The following DOK4 variants were observed in gnomAD, a reference collection of about 807,000 sequenced individuals.
The protein encoded by DOK4 is downstream of tyrosine kinase 4.
Under a neutral mutation model 40.1 loss-of-function variants are expected in DOK4, and 26 were observed. The observed-to-expected ratio is 0.65, with a 90% CI of 0.48 to 0.90. The LOEUF (loss-of-function observed/expected upper bound fraction) is 0.90, where lower values mean the gene tolerates loss of function less well. Among genes scored for constraint, DOK4 ranks in the 40% least tolerant of loss-of-function variants. DOK4 has a pLI of 0.00. For missense variants in DOK4, 392 were observed against 437.2 expected (o/e 0.90, Z 0.92); for synonymous variants, 179 against 177.0 (o/e 1.01, Z -0.09).
chr16:57,484,728 C>T (rs1165144521), intron 1 of DOK4, among the ~76,000 whole-genome samples: 2 of 152,212 alleles, frequency 1.3e-5, no homozygotes, highest in Non-Finnish European at 2.9e-5. Context: ...CATTCCATTG[C>T]TTCATCCACC....
chr16:57,473,185 C>T, exon 9 of DOK4: 1 of 758,576 alleles, frequency 1.3e-6, no homozygotes, highest in South Asian at 1.9e-5. Flanking sequence ...GCTCCAACCC[C>T]TCACACATGC....
chr16:57,482,663 G>T (rs953164172), intron 1 of DOK4, among the ~76,000 whole-genome samples: 1 of 151,920 alleles, frequency 6.6e-6, no homozygotes, highest in Non-Finnish European at 1.5e-5. Context: ...CACTGCGCCC[G>T]GCCCCTAGAG....
chr16:57,485,741 G>A lies in DOK4; in HGVS notation c.-182+564C>T, dbSNP rs1460754187. Among the ~76,000 whole-genome samples, 7 of 152,226 alleles carry A rather than the reference G, an allele frequency of 4.6e-5. No homozygotes were observed. The highest frequency in any genetic ancestry group is 1.7e-4 in the African/African-American group (7 of 41,468). On this transcript the variant is annotated intron_variant, in intron 1 of 8. Transcript: ENST00000340099. This position sits in a 1 kb window ranked among gnomAD's most constrained non-coding sequence, Gnocchi z 4.3. ...ATCTAGGGCCTTGCGGGCCCTGGGG[G>A]AGAAGGTGGACAGGACCTTGGGGGC...
intron 1 of DOK4, among the ~76,000 whole-genome samples, chr16:57,480,770 G>A (rs1462703692): frequency 6.6e-6 from 1 of 152,208 alleles, no homozygotes; most frequent in African/African-American, 2.4e-5. Flanking sequence ...CTCAGACTCA[G>A]GGGGAGGCTC....
intron 1 of DOK4, among the ~76,000 whole-genome samples, chr16:57,483,746 C>T (rs2031474916): frequency 1.3e-5 from 2 of 152,144 alleles, no homozygotes; most frequent in Admixed American, 1.3e-4. Context: ...GGCCCTTGTC[C>T]CCAACAGGCC....
chr16:57,477,562 G>A (rs570802957), intron 2 of DOK4, among the ~76,000 whole-genome samples: 1 of 152,348 alleles, frequency 6.6e-6, no homozygotes, highest in East Asian at 1.9e-4. Context: ...GCAGCATCAG[G>A]GGCAGAAGGC....
rs576430247 is a variant in DOK4, at chr16:57,479,623, G to A, written c.-116C>T. ...TTCCAGACACTCTGTCGGGGCTGCCGCGAGGGGCTGCTCCTCACCTCACCC... is the reference window on the plus strand; with the variant it reads ...TTCCAGACACTCTGTCGGGGCTGCCACGAGGGGCTGCTCCTCACCTCACCC... On this transcript the variant is annotated 5_prime_UTR_variant, in exon 2 of 9. Transcript: ENST00000340099. The surrounding 1 kb of genome is among the most constrained non-coding windows in gnomAD (Gnocchi z 5.8). The A allele has an allele frequency of 1.1e-5, 12 of 1,082,284 alleles. No homozygotes were observed. The highest frequency in any genetic ancestry group is 6.7e-5 in the South Asian group (5 of 74,528). 67.0% of individuals were successfully genotyped at this position (1,082,284 alleles called of 1,614,324 possible).
chr16:57,473,398 C>A (rs763528622), exon 9 of DOK4: 1 of 1,613,960 alleles, frequency 6.2e-7, no homozygotes, highest in Non-Finnish European at 8.5e-7. Context: ...GGGTCTTGGC[C>A]TCACTGCTGT....
chr16:57,476,135 C>G, intron 2 of DOK4, 178 bp from the exon 3 acceptor site: 5 of 598,930 alleles, frequency 8.3e-6, no homozygotes, highest in Admixed American at 5.9e-5. Flanking sequence ...GGGAGAGAAG[C>G]CTCCTCCCCA....
At chr16:57,476,863 T>C (rs376599819) in intron 2 of DOK4, among the ~76,000 whole-genome samples, 30 of 152,276 alleles carry the variant, frequency 2.0e-4, no homozygotes, top group African/African-American at 3.9e-4. Context: ...CACTCTAGGA[T>C]TGAAGGGACA....
chr16:57,477,292 G>C (rs1388148562), intron 2 of DOK4, among the ~76,000 whole-genome samples: 1 of 152,222 alleles, frequency 6.6e-6, no homozygotes, highest in Admixed American at 6.5e-5. Context: ...AGGCATGTCT[G>C]CTCCTGCACC....
At chr16:57,482,025 C>T (rs1195396769) in intron 1 of DOK4, among the ~76,000 whole-genome samples, 4 of 152,098 alleles carry the variant, frequency 2.6e-5, no homozygotes, top group Admixed American at 6.5e-5. Flanking sequence ...CCACCATGCT[C>T]GGCTAATTTT....
Position 57,479,244 on chromosome 16 carries a change from C to T in DOK4, c.66+198G>A, listed in dbSNP as rs1212906530. Among the ~76,000 whole-genome samples, 7 of 152,370 alleles carry T rather than the reference C, an allele frequency of 4.6e-5. No individual in the cohort carries two copies. The highest frequency in any genetic ancestry group is 7.2e-5 in the African/African-American group (3 of 41,590). On this transcript the variant is annotated intron_variant, in intron 2 of 8. Transcript: ENST00000340099. This position sits in a 1 kb window ranked among gnomAD's most constrained non-coding sequence, Gnocchi z 5.8. Reference sequence around the variant, plus strand: ...TGGGATGCCAGCCAGCCCTCTGGGGCGGGGGCTGCAGCAGGCAGAACCCAG... The same window carrying T: ...TGGGATGCCAGCCAGCCCTCTGGGGTGGGGGCTGCAGCAGGCAGAACCCAG...
intron 1 of DOK4, among the ~76,000 whole-genome samples, chr16:57,483,446 C>G (rs1037506725): frequency 7.9e-5 from 12 of 151,944 alleles, no homozygotes; most frequent in African/African-American, 2.9e-4. Context: ...GATCCGGCAA[C>G]ATAGAGAGAC....
At chr16:57,475,998 C>T in intron 2 of DOK4, 41 bp from the exon 3 acceptor site, 3 of 1,533,380 alleles carry the variant, frequency 2.0e-6, no homozygotes, top group Non-Finnish European at 2.7e-6. Flanking sequence ...CCCTGGACCA[C>T]TCCCACCCCA....
At chr16:57,482,155 C>T (rs1486540264) in intron 1 of DOK4, among the ~76,000 whole-genome samples, 3 of 152,012 alleles carry the variant, frequency 2.0e-5, no homozygotes, top group African/African-American at 4.8e-5. Flanking sequence ...TGAGCCACTG[C>T]GCCCGGCCTT....
In DOK4 at chr16:57,473,975, G is replaced by A. The variant is rs200324547; in HGVS notation, c.664C>T (p.Arg222Cys). Residue 222 changes from arginine (R) to cysteine (C), a missense_variant, in exon 7 of 9, where the codon CGC (arginine) becomes TGC (cysteine). Physicochemically the swap from Arg to Cys is radical, Grantham distance 180. Coordinates refer to ENST00000340099, the Ensembl canonical transcript of DOK4. ...ATGGCCAGGGTGGCACTGTGGACGC[G>A]CTGGTAAATCTGCTCCCCCTCTTGT... 14 of 1,613,804 alleles carry A rather than the reference G, an allele frequency of 8.7e-6. No individual in the cohort carries two copies. The highest frequency in any genetic ancestry group is 6.7e-5 in the African/African-American group (5 of 74,974).
At chr16:57,477,774 C>A (rs572781728) in intron 2 of DOK4, among the ~76,000 whole-genome samples, 1 of 152,228 alleles carries the variant, frequency 6.6e-6, no homozygotes, top group Non-Finnish European at 1.5e-5. Context: ...CCCCTCCCCC[C>A]TCACCTCTGT....
chr16:57,482,366 T>TG (rs1374145716), intron 1 of DOK4, among the ~76,000 whole-genome samples: 1 of 137,012 alleles, frequency 7.3e-6, no homozygotes. Context: ...GGCTTTTGTT[T>TG]TTTTTTTTTT....
Sources: gnomAD v4.1 joint callset for allele counts (sites outside exome capture counted in the v4.1 genomes callset) on GRCh38, gnomAD v4.1.1 for gene constraint, Gnocchi (gnomAD v3.1) non-coding constraint, MANE v1.5 for transcripts, NCBI Gene and HGNC (gene_info 2026-07-23, HGNC 2026-07-21) for gene names.